Variants in VWA8 observed in about 807,000 individuals in gnomAD.
VWA8 encodes von Willebrand factor A domain-containing protein 8.
A neutral mutation model predicts 241.5 loss-of-function variants in VWA8; 221 were observed. The ratio of observed to expected loss-of-function variants is 0.91; its 90% CI spans 0.82 to 1.02. The LOEUF (loss-of-function observed/expected upper bound fraction) is 1.02, where lower values mean the gene tolerates loss of function less well. Among genes scored for constraint, VWA8 ranks in the 50% least tolerant of loss-of-function variants. The pLI, the probability that VWA8 is intolerant of heterozygous loss-of-function variation, is 0.00. For missense variants in VWA8, 2,322 were observed against 2,328.7 expected, an observed-to-expected ratio of 1.00 and a Z score of 0.06; for synonymous variants, 852 against 827.1, an observed-to-expected ratio of 1.03 and a Z score of -0.52.
intron 42 of VWA8, among the ~76,000 whole-genome samples, chr13:41,581,298 G>A (rs1193425602): frequency 1.3e-5 from 1 of 76,432 alleles, no homozygotes; most frequent in Admixed American, 1.4e-4. Context: ...CACCGCGCCC[G>A]GCCGAGAGTG....
chr13:41,923,357 C>T (rs531672695), intron 2 of VWA8, among the ~76,000 whole-genome samples: 85 of 152,016 alleles, frequency 5.6e-4, no homozygotes, highest in Non-Finnish European at 1.1e-3. Flanking sequence ...ATGAGTGCAG[C>T]ACACCAACAT....
At chr13:41,574,355 T>C (rs753821353) in intron 43 of VWA8, among the ~76,000 whole-genome samples, 5 of 152,074 alleles carry the variant, frequency 3.3e-5, no homozygotes, top group Non-Finnish European at 7.4e-5. Context: ...CCTAGGAATA[T>C]ACTTAACCAA....
rs1247269210 is a variant in VWA8, at chr13:41,701,428, C to A, written c.3328G>T (p.Glu1110Ter). The A allele has an allele frequency of 6.2e-7, 1 of 1,609,890 alleles. No homozygotes were observed. Among genetic ancestry groups the A allele is most frequent in the Non-Finnish European group, 8.5e-7 (1 of 1,178,566 alleles). ...ECASWRIPLD[E>*]INIICDIATS... is the part of the protein sequence containing the mutation. Reference sequence around the variant, plus strand: ...GCAATGTCACAGATTATATTAATTTCATCCAATGGTATTCTCCATGAGGCA... The same window carrying A: ...GCAATGTCACAGATTATATTAATTTAATCCAATGGTATTCTCCATGAGGCA... Residue 1110 changes from glutamate (E) to a stop codon, truncating the protein, a stop_gained, in exon 28 of 45, where the codon GAA becomes TAA. Transcript: ENST00000379310. LOFTEE classifies it high-confidence loss of function.
intron 37 of VWA8, among the ~76,000 whole-genome samples, chr13:41,616,426 C>A (rs2044620405): frequency 6.6e-6 from 1 of 152,038 alleles, no homozygotes; most frequent in African/African-American, 2.4e-5. Context: ...CATAATCATG[C>A]TCTAAAAATG....
At chr13:41,692,112 A>C (rs1179921851) in intron 30 of VWA8, among the ~76,000 whole-genome samples, 174 bp from the exon 31 acceptor site, 3 of 152,132 alleles carry the variant, frequency 2.0e-5, no homozygotes, top group Non-Finnish European at 4.4e-5. Flanking sequence ...GGATTAAACT[A>C]TATATCAAAA....
chr13:41,631,171 T>C (rs1295044699), intron 37 of VWA8, among the ~76,000 whole-genome samples: 2 of 152,054 alleles, frequency 1.3e-5, no homozygotes, highest in Admixed American at 1.3e-4. Context: ...AGGCACACGC[T>C]ACCACACCTA....
chr13:41,671,215 TTG>T (rs907886845), intron 36 of VWA8, 68 bp from the exon 37 acceptor site: 2 of 1,521,326 alleles, frequency 1.3e-6, no homozygotes, highest in African/African-American at 2.7e-5. Flanking sequence ...ACACTGCACA[TTG>T]TAATGTTCTT....
rs1169038741 is a variant in VWA8 at position 41,580,984 on chromosome 13, T to TCC, written c.5272-5147_5272-5146insGG. On this transcript the variant is annotated intron_variant, in intron 42 of 44. Coordinates refer to ENST00000379310, the MANE Select transcript of VWA8 (RefSeq NM_015058.2). Reference sequence around the variant, plus strand: ...TCAAGGGAGAGTGAGTCATCTATTTTATTTTATTTTATTTTATTTTATTTT... The same window carrying TCC: ...TCAAGGGAGAGTGAGTCATCTATTTTCCATTTTATTTTATTTTATTTTATTTT... 3.8e-3 allele frequency among the ~76,000 whole-genome samples: 263 copies of TCC among 69,356 alleles called. 86 individuals carry two copies. Among genetic ancestry groups the TCC allele is most frequent in the African/African-American group, 0.021 (158 of 7,390 alleles). The allele number at this position is 69,356 out of a possible 152,430, so 45.5% of individuals were successfully genotyped here. A position where few individuals can be genotyped will look rare whatever the true frequency, so the allele number is the denominator to read the frequency against.
Position 41,887,372 on chromosome 13 carries a change from AAG to A in VWA8, c.652-13_652-12del. ...TTTTTTGGTATGATCCTATAAAAGT[AAG>A]AGATCCGGAAGCTATAGCATAAATG... On this transcript the variant is annotated splice_polypyrimidine_tract_variant and intron_variant, in intron 5 of 44. Transcript: ENST00000379310. 6.2e-7 allele frequency: 1 copy of A among 1,605,454 alleles called. No individual in the cohort carries two copies. The highest frequency in any genetic ancestry group is 8.5e-7 in the Non-Finnish European group (1 of 1,177,390).
At chr13:41,662,997 A>T (rs531584927) in intron 37 of VWA8, among the ~76,000 whole-genome samples, 1 of 152,326 alleles carries the variant, frequency 6.6e-6, no homozygotes, top group African/African-American at 2.4e-5. Context: ...AGAAACTCAT[A>T]GCTGATTACC....
At chr13:41,897,233 G>A (rs1875153187) in intron 4 of VWA8, among the ~76,000 whole-genome samples, 1 of 151,712 alleles carries the variant, frequency 6.6e-6, no homozygotes, top group South Asian at 2.1e-4. Context: ...AAAAAGATAA[G>A]ATTTAAAAAT....
rs534993502 is a variant in VWA8 at position 41,778,174 on chromosome 13, C to T, written c.2278-118G>A. On this transcript the variant is annotated intron_variant, in intron 19 of 44. Coordinates refer to ENST00000379310, the MANE Select transcript of VWA8 (RefSeq NM_015058.2). ...TCTATTATAATAAACAATTATCAAT[C>T]GATTTGATATAACCCAAAATTAAAT... The T allele has an allele frequency of 1.9e-4, 110 of 565,378 alleles. No individual in the cohort carries two copies. The East Asian group carries it at 4.1e-3, about 21-fold the overall frequency. 35.0% of individuals were successfully genotyped at this position (565,378 alleles called of 1,614,324 possible). A position where few individuals can be genotyped will look rare whatever the true frequency, so the allele number is the denominator to read the frequency against.
intron 2 of VWA8, among the ~76,000 whole-genome samples, chr13:41,939,007 G>A (rs1877476212): frequency 6.6e-6 from 1 of 152,046 alleles, no homozygotes; most frequent in African/African-American, 2.4e-5. Flanking sequence ...CTCCTCCTGT[G>A]GATTTTATGT....
intron 20 of VWA8, among the ~76,000 whole-genome samples, chr13:41,771,753 T>C (rs975691686): frequency 3.9e-5 from 6 of 151,914 alleles, no homozygotes; most frequent in Non-Finnish European, 8.8e-5. Context: ...TAATTTTTTT[T>C]GTATTTTTTG....
chr13:41,949,795 T>G (rs180929123), intron 2 of VWA8, 141 bp downstream of exon 2: 1 of 457,140 alleles, frequency 2.2e-6, no homozygotes, highest in African/African-American at 2.0e-5. Flanking sequence ...AAAAGAAGAT[T>G]GGCATAATAT....
intron 37 of VWA8, among the ~76,000 whole-genome samples, chr13:41,631,780 G>A (rs536879549): frequency 2.6e-5 from 4 of 152,288 alleles, no homozygotes; most frequent in South Asian, 2.1e-4. Flanking sequence ...GAAACCAAAT[G>A]TTATCATTGT....
intron 12 of VWA8, among the ~76,000 whole-genome samples, chr13:41,836,440 A>G (rs1308793995): frequency 6.6e-6 from 1 of 152,158 alleles, no homozygotes; most frequent in Non-Finnish European, 1.5e-5. Flanking sequence ...CCAGGAAAAG[A>G]TGAGGAATGT....
chr13:41,683,461 A>G (rs552007464), intron 35 of VWA8, among the ~76,000 whole-genome samples: 21 of 152,296 alleles, frequency 1.4e-4, no homozygotes, highest in Middle Eastern at 3.4e-3. Context: ...GCACTGACAC[A>G]AAATGGAATG....
At chr13:41,736,243 C>T (rs778669669) in intron 21 of VWA8, among the ~76,000 whole-genome samples, 4 of 152,168 alleles carry the variant, frequency 2.6e-5, no homozygotes, top group African/African-American at 9.7e-5. Context: ...TACTATCTTA[C>T]AGACTACAGC....
Sources: allele counts gnomAD v4.1 joint callset (sites outside exome capture counted in the v4.1 genomes callset), GRCh38; gene constraint gnomAD v4.1.1; transcripts MANE v1.5; gene names NCBI Gene and HGNC (gene_info 2026-07-23, HGNC 2026-07-21).